SYT16: variants seen among roughly 807,000 people sequenced by gnomAD.
The protein encoded by SYT16 is synaptotagmin-16.
In SYT16, 42 loss-of-function variants were observed where a neutral mutation model predicts 61.4. The ratio of observed to expected loss-of-function variants is 0.68; its 90% CI spans 0.53 to 0.89. SYT16 has a LOEUF of 0.89. Among genes scored for constraint, SYT16 ranks in the 40% least tolerant of loss-of-function variants. The pLI, the probability that SYT16 is intolerant of heterozygous loss-of-function variation, is 0.00. For missense variants in SYT16, 804 were observed against 807.3 expected (o/e 1.00, Z 0.05); for synonymous variants, 314 against 302.3 (o/e 1.04, Z -0.40).
intron 1 of SYT16, among the ~76,000 whole-genome samples, chr14:61,938,061 A>G (rs1156683316): frequency 6.6e-6 from 1 of 151,808 alleles, no homozygotes; most frequent in African/African-American, 2.4e-5. Context: ...ACACACACAG[A>G]GTGTTTCAGA....
At chr14:61,918,895 C>T (rs1287853031) in intron 1 of SYT16, among the ~76,000 whole-genome samples, 1 of 151,962 alleles carries the variant, frequency 6.6e-6, no homozygotes, top group African/African-American at 2.4e-5. Flanking sequence ...TTCTAGGTGC[C>T]AGGGAAATGT....
At chr14:62,047,541 C>T (rs1466738764) in intron 3 of SYT16, among the ~76,000 whole-genome samples, 1 of 152,106 alleles carries the variant, frequency 6.6e-6, no homozygotes, top group Non-Finnish European at 1.5e-5. Flanking sequence ...GAGGGCATCC[C>T]TGTCTTGTGC....
chr14:62,050,197 C>G (rs1425100700), intron 3 of SYT16, among the ~76,000 whole-genome samples: 1 of 152,172 alleles, frequency 6.6e-6, no homozygotes. Context: ...CTCTAAACTT[C>G]TCTTCTCGCT....
At chr14:61,886,911 T>C (rs5001531) in intron 1 of SYT16, among the ~76,000 whole-genome samples, 1 of 104,568 alleles carries the variant, frequency 9.6e-6, no homozygotes, top group African/African-American at 3.5e-5. Flanking sequence ...TTTTTTTTTT[T>C]CCTTTTTATG....
At chr14:61,856,484 A>T (rs760567207) in intron 1 of SYT16, among the ~76,000 whole-genome samples, 6 of 152,208 alleles carry the variant, frequency 3.9e-5, no homozygotes, top group Non-Finnish European at 8.8e-5. Context: ...AGACAGACTG[A>T]AGTATGAGAG....
chr14:61,935,847 T>G lies in SYT16; in HGVS notation c.-324-34285T>G, dbSNP rs1300287133. On this transcript the variant is annotated intron_variant, in intron 1 of 7. Coordinates refer to ENST00000683842, the MANE Select transcript of SYT16 (RefSeq NM_001367656.1). ...TTAGAAATCATTAAATAAGAACATA[T>G]GAAAACATTTTGTTATGTGTTTTAA... is the stretch of plus-strand genomic sequence containing the variant. Among the ~76,000 whole-genome samples the G allele has an allele frequency of 2.0e-5, 3 of 152,364 alleles. No individual in the cohort carries two copies. The East Asian group carries it at 5.8e-4, about 29-fold the overall frequency.
intron 3 of SYT16, among the ~76,000 whole-genome samples, chr14:62,037,004 A>G (rs935453242): frequency 1.3e-5 from 2 of 152,202 alleles, no homozygotes; most frequent in Admixed American, 6.5e-5. Context: ...GGACAAGGGA[A>G]GGAACTTGGT....
chr14:61,932,174 C>G (rs972814465), intron 1 of SYT16, among the ~76,000 whole-genome samples: 1 of 152,224 alleles, frequency 6.6e-6, no homozygotes, highest in Non-Finnish European at 1.5e-5. Context: ...CTTACCATCC[C>G]TCCAGAGGAC....
chr14:61,892,106 C>T (rs181582837), intron 1 of SYT16, among the ~76,000 whole-genome samples: 67 of 152,140 alleles, frequency 4.4e-4, no homozygotes, highest in Admixed American at 9.2e-4. Context: ...ACTCCCCTTT[C>T]TGCATCTCTG....
intron 4 of SYT16, among the ~76,000 whole-genome samples, 173 bp downstream of exon 4, chr14:62,069,988 C>A (rs1332485316): frequency 6.6e-6 from 1 of 152,182 alleles, no homozygotes; most frequent in African/African-American, 2.4e-5. Context: ...AGGGGACTGC[C>A]ATGCAGGAGG....
At chr14:61,813,244 T>A (rs1264329295) in intron 1 of SYT16, among the ~76,000 whole-genome samples, 1 of 152,228 alleles carries the variant, frequency 6.6e-6, no homozygotes, top group Admixed American at 6.5e-5. Flanking sequence ...ATGGCTCGGC[T>A]GCCCGGTGGC....
intron 1 of SYT16, among the ~76,000 whole-genome samples, chr14:61,881,125 T>C (rs1032235869): frequency 3.3e-5 from 5 of 152,226 alleles, no homozygotes; most frequent in African/African-American, 7.2e-5. Context: ...ATTATATTTT[T>C]CTGGTCTTAT....
intron 1 of SYT16, among the ~76,000 whole-genome samples, chr14:61,912,610 G>A (rs1345722842): frequency 6.6e-6 from 1 of 152,070 alleles, no homozygotes; most frequent in Non-Finnish European, 1.5e-5. Flanking sequence ...AGTGCTCTAC[G>A]AGGAGTCTAT....
At chr14:62,027,137 A>C (rs2054132304) in intron 3 of SYT16, among the ~76,000 whole-genome samples, 1 of 152,094 alleles carries the variant, frequency 6.6e-6, no homozygotes, top group Non-Finnish European at 1.5e-5. Flanking sequence ...ATTAGCCTTT[A>C]TTTCATTAAA....
intron 1 of SYT16, among the ~76,000 whole-genome samples, chr14:61,840,467 T>A (rs1285301080): frequency 6.6e-6 from 1 of 152,078 alleles, no homozygotes; most frequent in Non-Finnish European, 1.5e-5. Flanking sequence ...TTAATGAAAG[T>A]ATCACCAATG....
intron 1 of SYT16, among the ~76,000 whole-genome samples, chr14:61,949,743 A>G (rs1242240775): frequency 2.0e-5 from 3 of 152,208 alleles, no homozygotes; most frequent in African/African-American, 7.2e-5. Flanking sequence ...ACAACTTTAC[A>G]GCATTTGAAT....
intron 3 of SYT16, among the ~76,000 whole-genome samples, chr14:62,060,795 T>C (rs373334255): frequency 1.7e-3 from 266 of 152,170 alleles, no homozygotes; most frequent in African/African-American, 6.1e-3. Context: ...ACTTGTAATG[T>C]CTTTGTTAGA....
intron 1 of SYT16, among the ~76,000 whole-genome samples, chr14:61,913,173 A>G (rs1488233736): frequency 1.3e-5 from 2 of 152,074 alleles, no homozygotes; most frequent in African/African-American, 4.8e-5. Flanking sequence ...TTGTTTATTA[A>G]AATTTGTGTA....
chr14:62,012,419 G>A (rs551316999), intron 3 of SYT16, among the ~76,000 whole-genome samples: 154 of 152,338 alleles, frequency 1.0e-3, no homozygotes, highest in African/African-American at 3.6e-3. Flanking sequence ...TCCCCAACAT[G>A]TCTGCTTACT....
Sources: allele counts gnomAD v4.1 joint callset (sites outside exome capture counted in the v4.1 genomes callset), GRCh38; gene constraint gnomAD v4.1.1; transcripts MANE v1.5; gene names NCBI Gene and HGNC (gene_info 2026-07-23, HGNC 2026-07-21).